The following ADGRG3 variants were observed in gnomAD, a reference collection of about 807,000 sequenced individuals.
The protein encoded by ADGRG3 is G protein-coupled receptor 97.
ADGRG3 carries 39 observed loss-of-function variants against 54.3 expected under a neutral mutation model. That is an observed-to-expected ratio of 0.72 (90% CI 0.56 to 0.94). ADGRG3 has a LOEUF of 0.94. Among genes scored for constraint, ADGRG3 ranks in the 40% least tolerant of loss-of-function variants. The pLI is 0.00. For synonymous variants in ADGRG3, 312 were observed against 290.0 expected, an observed-to-expected ratio of 1.08 and a Z score of -0.77; for missense variants, 654 against 694.6, an observed-to-expected ratio of 0.94 and a Z score of 0.66.
At chr16:57,673,116 C>A (rs1446464530) in intron 1 of ADGRG3, among the ~76,000 whole-genome samples, 1 of 152,174 alleles carries the variant, frequency 6.6e-6, no homozygotes, top group Non-Finnish European at 1.5e-5. Context: ...TCCTACCAGC[C>A]CTGGGAGATG....
upstream of ADGRG3, among the ~76,000 whole-genome samples, chr16:57,667,381 T>C (rs1171108424): frequency 6.6e-6 from 1 of 152,230 alleles, no homozygotes; most frequent in East Asian, 1.9e-4. Context: ...CCGTGGGGCC[T>C]CCAGAGTTGG....
rs2048525744 is a variant in ADGRG3, at chr16:57,689,222, T to C, written c.*761T>C. The C allele has an allele frequency of 6.5e-6, 1 of 153,944 alleles. No homozygotes were observed. The allele number at this position is 153,944 out of a possible 1,614,324, so 9.5% of individuals were successfully genotyped here. A position where few individuals can be genotyped will look rare whatever the true frequency, so the allele number is the denominator to read the frequency against. ...GCACACCTGGGGGTGCTCCCACTCATTCAGTGTGTGGGGCCCCTGAGCAGA... is the reference window on the plus strand; with the variant it reads ...GCACACCTGGGGGTGCTCCCACTCACTCAGTGTGTGGGGCCCCTGAGCAGA... On this transcript the variant is annotated 3_prime_UTR_variant, in exon 12 of 12. Coordinates refer to ENST00000333493, the MANE Select transcript of ADGRG3 (RefSeq NM_170776.5).
chr16:57,680,384 C>G lies in ADGRG3; in HGVS notation c.768+19C>G. 1.2e-6 allele frequency: 2 copies of G among 1,603,180 alleles called. No homozygotes were observed. Among genetic ancestry groups the G allele is most frequent in the Non-Finnish European group, 1.7e-6 (2 of 1,170,360 alleles). On this transcript the variant is annotated intron_variant, in intron 7 of 11. Transcript: ENST00000333493. ...GCTCCTGGTAACAGCCCCCTCCACT[C>G]TGATCCCAGCCATCCCAGGGGCTTC...
At chr16:57,683,464 G>A (rs2048413071) in intron 8 of ADGRG3, among the ~76,000 whole-genome samples, 1 of 152,090 alleles carries the variant, frequency 6.6e-6, no homozygotes, top group African/African-American at 2.4e-5. Context: ...CCCCTTACTG[G>A]TTTGGTCCGG....
intron 10 of ADGRG3, among the ~76,000 whole-genome samples, chr16:57,684,871 C>G (rs727216): frequency 0.18 from 27,322 of 152,178 alleles, 3,026 homozygotes; most frequent in Non-Finnish European, 0.23. Context: ...GCTGCCCAGC[C>G]AGGTGTCCTT....
intron 8 of ADGRG3, chr16:57,682,629 A>G: frequency 3.0e-6 from 3 of 985,420 alleles, no homozygotes; most frequent in Non-Finnish European, 3.6e-6. Context: ...ATCTCAGGTG[A>G]GGTGGACATG....
intron 4 of ADGRG3, chr16:57,678,763 TG>T (rs2148704891): frequency 3.2e-6 from 1 of 316,878 alleles, no homozygotes; most frequent in South Asian, 3.7e-5. Context: ...TGTGCAGACG[TG>T]TGTACCCCTG....
intron 1 of ADGRG3, 144 bp downstream of exon 1, chr16:57,668,549 G>A (rs561188753): frequency 2.5e-5 from 18 of 717,598 alleles, no homozygotes; most frequent in Admixed American, 1.1e-4. Context: ...CCCCGTGGCC[G>A]CCTCAGCACC....
At chr16:57,676,168 C>T (rs1454978437) in intron 2 of ADGRG3, 32 bp from the exon 3 acceptor site, 1 of 1,608,584 alleles carries the variant, frequency 6.2e-7, no homozygotes, top group Non-Finnish European at 8.5e-7. Context: ...CCTGCAGGAT[C>T]CTACCCTCCC....
Position 57,678,094 on chromosome 16 carries a change from C to T in ADGRG3, c.346-76C>T. On this transcript the variant is annotated intron_variant, in intron 3 of 11. Transcript: ENST00000333493. ...CCCCCTACCCAGTGTGCCTGCTTCCCCTCCCAGCTGGGGGAGTGGCAGGAC... is the reference window on the plus strand; with the variant it reads ...CCCCCTACCCAGTGTGCCTGCTTCCTCTCCCAGCTGGGGGAGTGGCAGGAC... 3 of 1,573,186 alleles carry T rather than the reference C, an allele frequency of 1.9e-6. No homozygotes were observed. The Admixed American group carries it at 5.1e-5, about 27-fold the overall frequency.
intron 8 of ADGRG3, chr16:57,682,624 A>T (rs1375458488): frequency 1.0e-6 from 1 of 985,308 alleles, no homozygotes. Context: ...CTGGCATCTC[A>T]GGTGAGGTGG....
chr16:57,683,881 A>C, intron 8 of ADGRG3, 51 bp from the exon 9 acceptor site: 7 of 1,481,352 alleles, frequency 4.7e-6, no homozygotes, highest in Middle Eastern at 3.7e-4. Flanking sequence ...GCCTCATGGG[A>C]GCTCCCCATG....
intron 6 of ADGRG3, 138 bp downstream of exon 6, chr16:57,679,993 C>T (rs1234332639): frequency 3.0e-5 from 16 of 526,424 alleles, no homozygotes; most frequent in African/African-American, 2.4e-4. Flanking sequence ...TTGCTCCCTG[C>T]ATCCCCTCCC....
intron 2 of ADGRG3, 107 bp from the exon 3 acceptor site, chr16:57,676,093 G>T: frequency 9.8e-7 from 1 of 1,017,864 alleles, no homozygotes. Flanking sequence ...CTGATCCCAG[G>T]GTCTTTACTT....
At chr16:57,683,090 G>A (rs2048405092) in intron 8 of ADGRG3, among the ~76,000 whole-genome samples, 2 of 152,254 alleles carry the variant, frequency 1.3e-5, no homozygotes, top group African/African-American at 2.4e-5. Context: ...AGAAGAAGAG[G>A]AGTCAGGCAA....
chr16:57,667,341 CA>C (rs2148688278), upstream of ADGRG3, among the ~76,000 whole-genome samples: 1 of 152,394 alleles, frequency 6.6e-6, no homozygotes, highest in African/African-American at 2.4e-5. Flanking sequence ...TTCCAATTGC[CA>C]AGTGGCCATG....
Position 57,680,585 on chromosome 16 carries a change from G to A in ADGRG3, c.849G>A (p.Leu283=). The A allele has an allele frequency of 6.2e-7, 1 of 1,613,548 alleles. No individual in the cohort carries two copies. Among genetic ancestry groups the A allele is most frequent in the Non-Finnish European group, 8.5e-7 (1 of 1,179,652 alleles). Residue 283 remains leucine (L), a synonymous_variant, in exon 8 of 12, where the codon CTG becomes CTA. Coordinates refer to ENST00000333493, the MANE Select transcript of ADGRG3 (RefSeq NM_170776.5). The part of the protein sequence containing the change: ...QAGCGVSMIF[L]AFTIILYAFL... ...GCTGTGGGGTCTCCATGATCTTCCT[G>A]GCCTTCACCATTATTCTTTATGCCT...
intron 11 of ADGRG3, 147 bp downstream of exon 11, chr16:57,686,073 G>A (rs984255454): frequency 9.6e-6 from 8 of 832,696 alleles, no homozygotes; most frequent in South Asian, 3.3e-5. Context: ...CTCAGAGCAA[G>A]GATCCAGGGC....
intron 10 of ADGRG3, among the ~76,000 whole-genome samples, chr16:57,684,935 C>T (rs1345862444): frequency 6.6e-6 from 1 of 152,236 alleles, no homozygotes; most frequent in Non-Finnish European, 1.5e-5. Context: ...CTAGTCTGGG[C>T]TCTGCCCTGC....
Sources: allele counts gnomAD v4.1 joint callset (sites outside exome capture counted in the v4.1 genomes callset), GRCh38; gene constraint gnomAD v4.1.1; transcripts MANE v1.5; gene names NCBI Gene and HGNC (gene_info 2026-07-23, HGNC 2026-07-21).